Variants in ZMIZ1 observed in about 807,000 individuals in gnomAD.
ZMIZ1 encodes zinc finger MIZ domain-containing protein 1.
Under a neutral mutation model 113.9 loss-of-function variants are expected in ZMIZ1, and 17 were observed. The ratio of observed to expected loss-of-function variants is 0.15; its 90% CI spans 0.10 to 0.22. ZMIZ1 has a LOEUF of 0.22. Among genes scored for constraint, ZMIZ1 ranks in the 10% least tolerant of loss-of-function variants. The pLI, the probability that ZMIZ1 is intolerant of heterozygous loss-of-function variation, is 1.00. For missense variants in ZMIZ1, 1,059 were observed against 1,477.8 expected, an observed-to-expected ratio of 0.72 and a Z score of 4.65; for synonymous variants, 607 against 603.1, an observed-to-expected ratio of 1.01 and a Z score of -0.09.
At chr10:79,223,969 G>C (rs1849097868) in intron 7 of ZMIZ1, among the ~76,000 whole-genome samples, 1 of 152,214 alleles carries the variant, frequency 6.6e-6, no homozygotes, top group South Asian at 2.1e-4. Context: ...TGGGGTTCCA[G>C]GAATGAGCAG....
At chr10:79,214,336 C>T (rs1211410472) in intron 6 of ZMIZ1, among the ~76,000 whole-genome samples, 1 of 152,180 alleles carries the variant, frequency 6.6e-6, no homozygotes, top group Non-Finnish European at 1.5e-5. Flanking sequence ...GTTGAGCAAG[C>T]ATCCTAACCT....
Position 79,201,695 on chromosome 10 carries a change from G to A in ZMIZ1, c.60+3G>A, listed in dbSNP as rs200961127. The A allele has an allele frequency of 6.8e-6, 11 of 1,613,064 alleles. No homozygotes were observed. The East Asian group carries it at 2.0e-4, about 29-fold the overall frequency. ...ACCGACTGCAGTGCATCAAGCAGGT[G>A]GGTGTGGGGCAAGGCACACTCCGAG... On this transcript the variant is annotated splice_donor_region_variant and intron_variant, in intron 5 of 24. Transcript: ENST00000334512.
intron 1 of ZMIZ1, among the ~76,000 whole-genome samples, chr10:79,072,326 C>T (rs1052666445): frequency 1.3e-5 from 2 of 152,310 alleles, no homozygotes; most frequent in African/African-American, 2.4e-5. Context: ...CCATCCCTGG[C>T]CCCCATAGAT....
At chr10:79,159,401 G>T (rs1846019795) in intron 3 of ZMIZ1, among the ~76,000 whole-genome samples, 1 of 152,198 alleles carries the variant, frequency 6.6e-6, no homozygotes, top group Non-Finnish European at 1.5e-5. Context: ...GCAGCATGAG[G>T]GGTGCCCGGC....
At chr10:79,101,381 G>A (rs1227597024) in intron 1 of ZMIZ1, among the ~76,000 whole-genome samples, 2 of 152,180 alleles carry the variant, frequency 1.3e-5, no homozygotes, top group Non-Finnish European at 2.9e-5. Context: ...AAGGCTCAGA[G>A]TGCTGGGGGG....
intron 4 of ZMIZ1, among the ~76,000 whole-genome samples, chr10:79,198,270 CAAA>C (rs1205414537): frequency 6.6e-6 from 1 of 152,010 alleles, no homozygotes; most frequent in Non-Finnish European, 1.5e-5. Flanking sequence ...AACAAACAAA[CAAA>C]AAAGCATTTC....
In ZMIZ1 at chr10:79,316,481, C is replaced by T. The variant is rs1855542239; in HGVS notation, c.*3732C>T. 6.6e-6 allele frequency: 1 copy of T among 152,614 alleles called. No individual in the cohort carries two copies. The highest frequency in any genetic ancestry group is 1.5e-5 in the Non-Finnish European group (1 of 68,018). 9.5% of individuals were successfully genotyped at this position (152,614 alleles called of 1,614,324 possible). A position where few individuals can be genotyped will look rare whatever the true frequency, so the allele number is the denominator to read the frequency against. On this transcript the variant is annotated 3_prime_UTR_variant, in exon 25 of 25. Transcript: ENST00000334512. ...TGTAACACTGAGGTATCTCATTTGC[C>T]CATGTTAATTTTTTTCTAAATAAAT... is the stretch of plus-strand genomic sequence containing the variant.
rs1436076873 is a variant in ZMIZ1, at chr10:79,314,429, G to C, written c.*1680G>C. On this transcript the variant is annotated 3_prime_UTR_variant, in exon 25 of 25. Transcript: ENST00000334512. Reference sequence around the variant, plus strand: ...CTGTTGACTTCCAGTCACTGTCCCAGACGGCACAAGGTTTTCTGTAGGAAA... The same window carrying C: ...CTGTTGACTTCCAGTCACTGTCCCACACGGCACAAGGTTTTCTGTAGGAAA... The C allele has an allele frequency of 5.6e-6, 2 of 357,808 alleles. No individual in the cohort carries two copies. The highest frequency in any genetic ancestry group is 1.1e-5 in the Non-Finnish European group (2 of 180,184). The allele number at this position is 357,808 out of a possible 1,614,324, so 22.2% of individuals were successfully genotyped here. A position where few individuals can be genotyped will look rare whatever the true frequency, so the allele number is the denominator to read the frequency against.
At chr10:79,149,094 T>G (rs1346116307) in intron 3 of ZMIZ1, among the ~76,000 whole-genome samples, 1 of 152,188 alleles carries the variant, frequency 6.6e-6, no homozygotes, top group Non-Finnish European at 1.5e-5. Context: ...TTTGCCTTCA[T>G]GAGGAGGCCC....
At chr10:79,263,715 C>CT (rs1375716577) in intron 7 of ZMIZ1, among the ~76,000 whole-genome samples, 1 of 151,950 alleles carries the variant, frequency 6.6e-6, no homozygotes, top group Admixed American at 6.6e-5. Flanking sequence ...GAATTGGACA[C>CT]TAAGGGTTGA....
At chr10:79,159,246 A>C (rs1846014542) in intron 3 of ZMIZ1, among the ~76,000 whole-genome samples, 1 of 152,182 alleles carries the variant, frequency 6.6e-6, no homozygotes, top group Non-Finnish European at 1.5e-5. Flanking sequence ...AAACGGGGCT[A>C]CACCTCGTCT....
rs1027632990 is a variant in ZMIZ1 at position 79,118,643 on chromosome 10, G to A, written c.-336-272G>A. Among the ~76,000 whole-genome samples the A allele has an allele frequency of 1.7e-4, 26 of 152,234 alleles. No individual in the cohort carries two copies. The highest frequency in any genetic ancestry group is 6.3e-4 in the African/African-American group (26 of 41,460). On this transcript the variant is annotated intron_variant, in intron 1 of 24. Coordinates refer to ENST00000334512, the MANE Select transcript of ZMIZ1 (RefSeq NM_020338.4). This position sits in a 1 kb window ranked among gnomAD's most constrained non-coding sequence, Gnocchi z 4.1. The stretch of plus-strand genomic sequence containing the variant: ...GCCGGGCTGACTGGAGCCTAGTGGT[G>A]GGCAGGCAGGTTTGGCTGCTGCTGT...
In ZMIZ1 at chr10:79,087,368, T is replaced by C. The variant is rs112347290; in HGVS notation, c.-337+18098T>C. On this transcript the variant is annotated intron_variant, in intron 1 of 24. Coordinates refer to ENST00000334512, the MANE Select transcript of ZMIZ1 (RefSeq NM_020338.4). Reference sequence around the variant, plus strand: ...CCTGGCTGAAATTGGGAAGTCATTTTGACTCCTTCCCCAGGGCTGTACCCC... The same window carrying C: ...CCTGGCTGAAATTGGGAAGTCATTTCGACTCCTTCCCCAGGGCTGTACCCC... Among the ~76,000 whole-genome samples, 83 of 73,112 alleles carry C rather than the reference T, an allele frequency of 1.1e-3. No homozygotes were observed. The South Asian group carries it at 0.02, about 18-fold the overall frequency. 48.0% of individuals were successfully genotyped at this position (73,112 alleles called of 152,430 possible).
At chr10:79,235,398 G>A (rs1274896063) in intron 7 of ZMIZ1, among the ~76,000 whole-genome samples, 5 of 152,148 alleles carry the variant, frequency 3.3e-5, no homozygotes, top group African/African-American at 4.8e-5. Flanking sequence ...AGAGCACACC[G>A]AGGTGCTCGG....
chr10:79,311,997 G>A (rs576210482), intron 24 of ZMIZ1, among the ~76,000 whole-genome samples: 1 of 152,336 alleles, frequency 6.6e-6, no homozygotes, highest in South Asian at 2.1e-4. Flanking sequence ...CTCACTCACT[G>A]TGCAGCCATC....
chr10:79,293,685 G>A, intron 12 of ZMIZ1, 32 bp downstream of exon 12: 1 of 1,613,048 alleles, frequency 6.2e-7, no homozygotes, highest in East Asian at 2.2e-5. Context: ...TGGGAGGTGG[G>A]AACTGGGACA....
In ZMIZ1 at chr10:79,069,281, G is replaced by C. The variant is rs1281200059; in HGVS notation, c.-337+11G>C. On this transcript the variant is annotated intron_variant, in intron 1 of 24. Coordinates refer to ENST00000334512, the MANE Select transcript of ZMIZ1 (RefSeq NM_020338.4). This position sits in a 1 kb window ranked among gnomAD's most constrained non-coding sequence, Gnocchi z 4.6. ...CGCTCGCAGCGCCCGGTAAGTTTGG[G>C]GCCAGAGCCAGGCGCCCGCTGGCTC... is the stretch of plus-strand genomic sequence containing the variant. 1 of 150,602 alleles carries C rather than the reference G, an allele frequency of 6.6e-6. No individual in the cohort carries two copies. Among genetic ancestry groups the C allele is most frequent in the Non-Finnish European group, 1.5e-5 (1 of 67,482 alleles). 9.3% of individuals were successfully genotyped at this position (150,602 alleles called of 1,614,324 possible). A position where few individuals can be genotyped will look rare whatever the true frequency, so the allele number is the denominator to read the frequency against.
intron 10 of ZMIZ1, 112 bp downstream of exon 10, chr10:79,291,288 T>TCATG: frequency 7.7e-7 from 1 of 1,303,192 alleles, no homozygotes. Context: ...TGAGAAGTTA[T>TCATG]CCTCTGTTGT....
intron 4 of ZMIZ1, among the ~76,000 whole-genome samples, chr10:79,175,578 C>T (rs1846798721): frequency 7.2e-6 from 1 of 138,470 alleles, no homozygotes; most frequent in Non-Finnish European, 1.5e-5. Context: ...AATCTGTGCA[C>T]TCTGCGTGTG....
Sources: allele counts gnomAD v4.1 joint callset (sites outside exome capture counted in the v4.1 genomes callset), GRCh38; gene constraint gnomAD v4.1.1; non-coding constraint Gnocchi (gnomAD v3.1); transcripts MANE v1.5; gene names NCBI Gene and HGNC (gene_info 2026-07-23, HGNC 2026-07-21).